KIF23: variants seen among roughly 807,000 people sequenced by gnomAD.
KIF23 encodes the protein kinesin-like protein KIF23.
Under a neutral mutation model 137.5 loss-of-function variants are expected in KIF23, and 30 were observed. The observed-to-expected ratio is 0.22, with a 90% CI of 0.16 to 0.30. The LOEUF (loss-of-function observed/expected upper bound fraction) is 0.30, where lower values mean the gene tolerates loss of function less well. KIF23 is among the 10% of genes least tolerant of loss of function. KIF23 has a pLI of 1.00. For synonymous variants in KIF23, 367 were observed against 391.1 expected (o/e 0.94, Z 0.73); for missense variants, 920 against 1,194.3 (o/e 0.77, Z 3.38).
chr15:69,425,705 T>C (rs987885302), intron 8 of KIF23, among the ~76,000 whole-genome samples: 2 of 152,172 alleles, frequency 1.3e-5, no homozygotes, highest in Admixed American at 6.6e-5. Flanking sequence ...CTTTTCAAAT[T>C]AGGAAAATAC....
Position 69,447,951 on chromosome 15 carries a change from C to T in KIF23, c.*144C>T. On this transcript the variant is annotated 3_prime_UTR_variant, in exon 24 of 24. Transcript: ENST00000679126. ...ACCTCAGCTACATCATACACTGACC[C>T]AGAGCAAAGCTTTCCCTATGGTTCC... The T allele has an allele frequency of 1.6e-6, 1 of 609,442 alleles. No homozygotes were observed. Among genetic ancestry groups the T allele is most frequent in the Admixed American group, 3.0e-5 (1 of 33,566 alleles). 37.8% of individuals were successfully genotyped at this position (609,442 alleles called of 1,614,324 possible).
chr15:69,416,747 G>A (rs1411439232), intron 2 of KIF23, among the ~76,000 whole-genome samples: 1 of 152,172 alleles, frequency 6.6e-6, no homozygotes, highest in Non-Finnish European at 1.5e-5. Flanking sequence ...CTGAGGTCAG[G>A]AGTTCGAGAC....
chr15:69,418,244 C>T (rs532209249), intron 3 of KIF23, among the ~76,000 whole-genome samples: 1 of 152,276 alleles, frequency 6.6e-6, no homozygotes, highest in African/African-American at 2.4e-5. Context: ...TATACCTCTT[C>T]ATCCTCATTT....
At chr15:69,436,785 C>CA in intron 15 of KIF23, 63 bp downstream of exon 15, 1 of 1,089,434 alleles carries the variant, frequency 9.2e-7, no homozygotes, top group East Asian at 2.9e-5. Flanking sequence ...GACATAGTTT[C>CA]ACTCTGTACC....
At chr15:69,427,499 T>C (rs1346031867) in intron 10 of KIF23, 4 of 451,448 alleles carry the variant, frequency 8.9e-6, no homozygotes, top group South Asian at 6.3e-5. Flanking sequence ...CGACTCCTTC[T>C]GTAAGTGGAA....
At chr15:69,424,673 T>C (rs920087386) in intron 7 of KIF23, among the ~76,000 whole-genome samples, 21 of 152,140 alleles carry the variant, frequency 1.4e-4, no homozygotes, top group Admixed American at 5.2e-4. Context: ...AATTTTCTAA[T>C]TTCTTGTAGA....
chr15:69,432,520 G>C (rs2140364491), intron 11 of KIF23, among the ~76,000 whole-genome samples: 1 of 152,056 alleles, frequency 6.6e-6, no homozygotes, highest in East Asian at 1.9e-4. Flanking sequence ...TCAGCCTTTA[G>C]AAAACAAGTA....
At chr15:69,443,537 T>G (rs1392245113) in intron 19 of KIF23, 1 of 151,686 alleles carries the variant, frequency 6.6e-6, no homozygotes, top group African/African-American at 2.4e-5. Flanking sequence ...TGGGGTCTTC[T>G]TACATTGCCT....
rs754033622 is a variant in KIF23, at chr15:69,436,251, A to G, written c.1428A>G (p.Pro476=). The part of the protein sequence containing the change: ...GRRYRNQPRG[P]VGNEPLVTDV... The stretch of plus-strand genomic sequence containing the variant: ...GATACAGAAACCAGCCTCGAGGTCC[A>G]GTTGGAAATGGTATGATTTGGTGTT... Residue 476 remains proline, a synonymous_variant, in exon 14 of 24, where the codon CCA becomes CCG. Transcript: ENST00000679126. 1 of 1,613,916 alleles carries G rather than the reference A, an allele frequency of 6.2e-7. No homozygotes were observed. Among genetic ancestry groups the G allele is most frequent in the South Asian group, 1.1e-5 (1 of 91,020 alleles).
chr15:69,433,589 G>A (rs1455242862), intron 11 of KIF23, among the ~76,000 whole-genome samples: 1 of 152,164 alleles, frequency 6.6e-6, no homozygotes, highest in East Asian at 1.9e-4. Context: ...GATTATCTGA[G>A]CTGGAATGAT....
chr15:69,441,457 T>A (rs1358557755), intron 19 of KIF23, among the ~76,000 whole-genome samples: 1 of 152,222 alleles, frequency 6.6e-6, no homozygotes, highest in Non-Finnish European at 1.5e-5. Context: ...CCTCCTTTCA[T>A]GCCCTAGTTT....
At chr15:69,436,112 TAAA>T in intron 13 of KIF23, 23 bp from the exon 14 acceptor site, 1 of 1,595,500 alleles carries the variant, frequency 6.3e-7, no homozygotes, top group Non-Finnish European at 8.5e-7. Flanking sequence ...TATTTTTTTT[TAAA>T]CTCCATTTGT....
Position 69,439,935 on chromosome 15 carries a change from A to G in KIF23, c.1787A>G (p.Tyr596Cys). The G allele has an allele frequency of 1.2e-6, 2 of 1,613,910 alleles. No homozygotes were observed. The highest frequency in any genetic ancestry group is 8.5e-7 in the Non-Finnish European group (1 of 1,179,900). ...ATTTTAGAGAAAACAACTACTATCT[A>G]TGAGGAAGATAAACGCAATTTGCAA... is the stretch of plus-strand genomic sequence containing the variant. ...IEILEKTTTI[Y>C]EEDKRNLQQE... The change falls in exon 17 of 24, where the codon TAT becomes TGT. Residue 596 changes from tyrosine (Y) to cysteine (C), a missense_variant. Coordinates refer to ENST00000679126, the MANE Select transcript of KIF23 (RefSeq NM_001367805.3).
chr15:69,425,988 C>A, intron 8 of KIF23, 82 bp from the exon 9 acceptor site: 1 of 486,968 alleles, frequency 2.1e-6, no homozygotes. Flanking sequence ...TGTCATGTCA[C>A]TTGGCGTTTT....
At chr15:69,429,519 C>G (rs2057298371) in intron 11 of KIF23, among the ~76,000 whole-genome samples, 1 of 152,016 alleles carries the variant, frequency 6.6e-6, no homozygotes, top group African/African-American at 2.4e-5. Context: ...GTTGCCCAGG[C>G]TGGTCTCAAA....
chr15:69,427,380 C>T (rs1413444930), intron 10 of KIF23: 1 of 455,856 alleles, frequency 2.2e-6, no homozygotes, highest in Non-Finnish European at 4.4e-6. Context: ...TTTTGGGAAG[C>T]TGGATATCGA....
Position 69,417,409 on chromosome 15 carries a change from C to A in KIF23, c.108C>A (p.Gly36=), listed in dbSNP as rs3759826. Residue 36 remains glycine, a synonymous_variant, in exon 3 of 24, where the codon GGC becomes GGA. Coordinates refer to ENST00000679126, the MANE Select transcript of KIF23 (RefSeq NM_001367805.3). ...TATACTGTAGGGTGCGCCCACTGGG[C>A]TTTCCTGATCAAGAGTGTTGCATAG... ...VGVYCRVRPL[G]FPDQECCIEV... 0.037 allele frequency: 59,973 copies of A among 1,612,196 alleles called. 3,286 individuals are homozygous for A. Among genetic ancestry groups the A allele is most frequent in the African/African-American group, 0.19 (14,503 of 74,902 alleles).
chr15:69,422,057 G>A lies in KIF23; in HGVS notation c.382G>A (p.Glu128Lys). 6.2e-7 allele frequency: 1 copy of A among 1,614,126 alleles called. No homozygotes were observed. Among genetic ancestry groups the A allele is most frequent in the Non-Finnish European group, 8.5e-7 (1 of 1,179,994 alleles). The part of the protein sequence containing the change: ...KTHTMTGSPG[E>K]GGLLPRCLDM... ...TCACACAATGACTGGTTCTCCAGGG[G>A]AAGGAGGGCTGCTTCCTCGTTGTTT... The change falls in exon 5 of 24, where the codon GAA becomes AAA. Residue 128 changes from glutamate (E) to lysine (K), a missense_variant. Glu to Lys is a moderately conservative substitution (Grantham distance 56). This residue lies in a region of KIF23 where 714 missense variants were observed against 866.2 expected (regional missense o/e 0.82). Transcript: ENST00000679126.
At chr15:69,441,636 TA>T in intron 19 of KIF23, among the ~76,000 whole-genome samples, 1 of 152,252 alleles carries the variant, frequency 6.6e-6, no homozygotes, top group Middle Eastern at 3.4e-3. Context: ...ATCACAGACT[TA>T]GAGACACTTA....
Sources: allele counts gnomAD v4.1 joint callset (sites outside exome capture counted in the v4.1 genomes callset), GRCh38; gene constraint gnomAD v4.1.1; regional missense constraint gnomAD v4.1.1; transcripts MANE v1.5; gene names NCBI Gene and HGNC (gene_info 2026-07-23, HGNC 2026-07-21).